Variants in USP25 observed in about 807,000 individuals in gnomAD.
USP25 encodes the protein ubiquitin specific peptidase 25, also known as ubiquitin carboxyl-terminal hydrolase 25.
Under a neutral mutation model 158.5 loss-of-function variants are expected in USP25, and 85 were observed. The ratio of observed to expected loss-of-function variants is 0.54; its 90% CI spans 0.45 to 0.64. The LOEUF (loss-of-function observed/expected upper bound fraction) is 0.64, where lower values mean the gene tolerates loss of function less well. USP25 is among the 30% of genes least tolerant of loss of function. The pLI, the probability that USP25 is intolerant of heterozygous loss-of-function variation, is 0.00. For synonymous variants in USP25, 464 were observed against 460.4 expected (o/e 1.01, Z -0.10); for missense variants, 1,242 against 1,327.3 (o/e 0.94, Z 1.00).
chr21:15,803,712 A>G (rs533034021), intron 6 of USP25, among the ~76,000 whole-genome samples: 8 of 152,004 alleles, frequency 5.3e-5, no homozygotes, highest in African/African-American at 1.9e-4. Context: ...TGATAAAGAA[A>G]CTGATCTCAG....
intron 4 of USP25, among the ~76,000 whole-genome samples, chr21:15,785,471 A>G (rs2035219417): frequency 6.6e-6 from 1 of 152,218 alleles, no homozygotes; most frequent in African/African-American, 2.4e-5. Context: ...GGTATCAAGT[A>G]TTTTACCAGA....
intron 5 of USP25, among the ~76,000 whole-genome samples, chr21:15,799,342 A>G (rs1485022388): frequency 4.0e-5 from 6 of 151,198 alleles, no homozygotes; most frequent in Admixed American, 3.3e-4. Context: ...TTGTGTCTCT[A>G]TTACCTAGGA....
intron 1 of USP25, among the ~76,000 whole-genome samples, chr21:15,736,255 G>A (rs1182694881): frequency 6.6e-6 from 1 of 151,882 alleles, no homozygotes; most frequent in African/African-American, 2.4e-5. Context: ...ACACCACCAC[G>A]CCCAGCTACT....
rs762926709 is a variant in USP25 at position 15,878,289 on chromosome 21, G to C, written c.3206-14G>C. ...TTTCTATCTTTAGTTAGATTTAATT[G>C]TTTGTATTTGCAGCACACCTCCAAG... On this transcript the variant is annotated splice_polypyrimidine_tract_variant and intron_variant, in intron 25 of 25. Coordinates refer to ENST00000400183, the MANE Select transcript of USP25 (RefSeq NM_001283041.3). 1 of 1,604,158 alleles carries C rather than the reference G, an allele frequency of 6.2e-7. No homozygotes were observed. Among genetic ancestry groups the C allele is most frequent in the South Asian group, 1.1e-5 (1 of 89,560 alleles).
intron 9 of USP25, among the ~76,000 whole-genome samples, chr21:15,813,955 C>T (rs1331691579): frequency 3.3e-5 from 5 of 151,566 alleles, no homozygotes; most frequent in Middle Eastern, 3.4e-3. Flanking sequence ...TTGTATCTCG[C>T]AGAATTCCGT....
At chr21:15,864,150 T>G (rs2039553285) in intron 20 of USP25, 118 bp from the exon 21 acceptor site, 1 of 1,110,780 alleles carries the variant, frequency 9.0e-7, no homozygotes, top group Admixed American at 3.1e-5. Context: ...TTGTGATACT[T>G]TAAAAGCCAA....
At chr21:15,790,259 G>A (rs191382840) in intron 4 of USP25, among the ~76,000 whole-genome samples, 3 of 152,048 alleles carry the variant, frequency 2.0e-5, no homozygotes, top group African/African-American at 7.2e-5. Context: ...GGCCAGTCGG[G>A]TCACTCTTAA....
intron 20 of USP25, among the ~76,000 whole-genome samples, chr21:15,860,388 C>G (rs1156532204): frequency 6.6e-6 from 1 of 152,130 alleles, no homozygotes; most frequent in African/African-American, 2.4e-5. Context: ...CTCCTGACTT[C>G]AGGTGATCTG....
intron 8 of USP25, among the ~76,000 whole-genome samples, chr21:15,809,445 G>A (rs920498904): frequency 5.9e-5 from 9 of 151,890 alleles, no homozygotes; most frequent in African/African-American, 1.5e-4. Context: ...TTAGGATGGC[G>A]GCTACGAAAA....
At chr21:15,813,765 T>C (rs933860593) in intron 9 of USP25, among the ~76,000 whole-genome samples, 1 of 151,378 alleles carries the variant, frequency 6.6e-6, no homozygotes, top group Non-Finnish European at 1.5e-5. Context: ...AAGAGAGGAG[T>C]TAGTTTCAAC....
At chr21:15,855,093 G>A (rs1424524595) in intron 20 of USP25, among the ~76,000 whole-genome samples, 1 of 151,278 alleles carries the variant, frequency 6.6e-6, no homozygotes, top group African/African-American at 2.4e-5. Flanking sequence ...GAGGTGGGAG[G>A]GTCATATTAT....
intron 20 of USP25, among the ~76,000 whole-genome samples, chr21:15,858,087 C>T (rs78470636): frequency 6.6e-6 from 1 of 152,112 alleles, no homozygotes; most frequent in African/African-American, 2.4e-5. Context: ...TACCAGTGAT[C>T]TTATTGTAGA....
intron 20 of USP25, among the ~76,000 whole-genome samples, chr21:15,856,076 T>G (rs1327107295): frequency 2.6e-5 from 4 of 152,206 alleles, no homozygotes; most frequent in African/African-American, 9.7e-5. Flanking sequence ...ATTGCCTGTT[T>G]ATATGCAGGG....
At chr21:15,852,802 A>G (rs1237853486) in intron 20 of USP25, among the ~76,000 whole-genome samples, 1 of 152,164 alleles carries the variant, frequency 6.6e-6, no homozygotes, top group East Asian at 1.9e-4. Flanking sequence ...ATATGTTTAT[A>G]AAATTTCTGA....
chr21:15,753,806 A>G (rs978027285), intron 1 of USP25, among the ~76,000 whole-genome samples: 3 of 152,210 alleles, frequency 2.0e-5, no homozygotes, highest in African/African-American at 7.2e-5. Flanking sequence ...CATTTTAATT[A>G]CATAGGTACT....
At chr21:15,752,153 G>A (rs1054031190) in intron 1 of USP25, among the ~76,000 whole-genome samples, 2 of 151,972 alleles carry the variant, frequency 1.3e-5, no homozygotes, top group Non-Finnish European at 2.9e-5. Context: ...GGATGGTCTC[G>A]AACTCCTGAC....
At chr21:15,765,930 T>C (rs2034014401) in intron 2 of USP25, 67 bp from the exon 3 acceptor site, 3 of 1,511,770 alleles carry the variant, frequency 2.0e-6, no homozygotes, top group East Asian at 4.6e-5. Flanking sequence ...TGGAGAATAT[T>C]GTATAACTTT....
intron 5 of USP25, among the ~76,000 whole-genome samples, chr21:15,792,543 G>A (rs2035646186): frequency 6.6e-6 from 1 of 151,420 alleles, no homozygotes; most frequent in Non-Finnish European, 1.5e-5. Context: ...GCTATTTTTT[G>A]TATTCAAAAT....
At chr21:15,798,274 C>G (rs1202383872) in intron 5 of USP25, among the ~76,000 whole-genome samples, 1 of 151,250 alleles carries the variant, frequency 6.6e-6, no homozygotes, top group African/African-American at 2.4e-5. Flanking sequence ...ACAGCAGAAT[C>G]TTTTGTGGAA....
Sources: allele counts gnomAD v4.1 joint callset (sites outside exome capture counted in the v4.1 genomes callset), GRCh38; gene constraint gnomAD v4.1.1; transcripts MANE v1.5; gene names NCBI Gene and HGNC (gene_info 2026-07-23, HGNC 2026-07-21).